CELF4: variants seen among roughly 807,000 people sequenced by gnomAD.
The protein encoded by CELF4 is CUG-BP- and ETR-3-like factor 4.
Under a neutral mutation model 59.9 loss-of-function variants are expected in CELF4, and 18 were observed. The observed-to-expected ratio is 0.30, with a 90% CI of 0.21 to 0.45. CELF4 has a LOEUF of 0.45. Ranked by LOEUF, CELF4 falls within the 20% of genes least tolerant of loss-of-function variation. The probability of loss-of-function intolerance (pLI) is 1.00; values close to 1 mark genes in which losing one functional copy is unlikely to be tolerated. For missense variants in CELF4, 456 were observed against 689.0 expected (o/e 0.66, Z 3.79); for synonymous variants, 261 against 267.1 (o/e 0.98, Z 0.22).
intron 1 of CELF4, among the ~76,000 whole-genome samples, chr18:37,490,098 ATGTACCAGCATGGAAAGCCACAT>A (rs1489564304): frequency 6.6e-6 from 1 of 152,242 alleles, no homozygotes; most frequent in Non-Finnish European, 1.5e-5. Flanking sequence ...AAGACCCTCA[ATGTACCAGCATGGAAAGCCACAT>A]TGTCAGATGG....
intron 2 of CELF4, among the ~76,000 whole-genome samples, chr18:37,425,878 G>A (rs545591028): frequency 3.4e-4 from 52 of 152,348 alleles, no homozygotes; most frequent in African/African-American, 3.8e-4. Flanking sequence ...AAGAGAGTTG[G>A]TTCTCTGTTA....
At chr18:37,452,913 A>C (rs914938841) in intron 2 of CELF4, among the ~76,000 whole-genome samples, 1 of 152,028 alleles carries the variant, frequency 6.6e-6, no homozygotes, top group Non-Finnish European at 1.5e-5. Flanking sequence ...TCACACCCCA[A>C]GGGAGTTGAA....
chr18:37,517,556 G>A (rs1408057414), intron 1 of CELF4, among the ~76,000 whole-genome samples: 1 of 152,196 alleles, frequency 6.6e-6, no homozygotes, highest in Non-Finnish European at 1.5e-5. Context: ...TGTGTGGGAA[G>A]CCTCTCAGTC....
chr18:37,366,691 C>T (rs1421823697), intron 2 of CELF4, among the ~76,000 whole-genome samples: 7 of 152,224 alleles, frequency 4.6e-5, no homozygotes, highest in Admixed American at 1.3e-4. Flanking sequence ...AGGGAGGCAT[C>T]GCCACTATCA....
chr18:37,292,646 C>A (rs934866173), intron 3 of CELF4, among the ~76,000 whole-genome samples: 1 of 152,150 alleles, frequency 6.6e-6, no homozygotes, highest in African/African-American at 2.4e-5. Context: ...GATTAACAGA[C>A]TTTAATGCAA....
chr18:37,292,858 A>G (rs2095425471), intron 3 of CELF4, among the ~76,000 whole-genome samples: 1 of 152,252 alleles, frequency 6.6e-6, no homozygotes, highest in African/African-American at 2.4e-5. Flanking sequence ...AAAATAAAAA[A>G]TACACTGCTG....
chr18:37,330,328 G>A (rs555911192), intron 2 of CELF4, among the ~76,000 whole-genome samples: 4 of 152,286 alleles, frequency 2.6e-5, no homozygotes, highest in African/African-American at 9.6e-5. Context: ...CGCTGTGGGA[G>A]GAAAGAATGA....
At chr18:37,395,136 C>T (rs1309949927) in intron 2 of CELF4, among the ~76,000 whole-genome samples, 4 of 152,080 alleles carry the variant, frequency 2.6e-5, no homozygotes, top group Non-Finnish European at 4.4e-5. Flanking sequence ...CATGTCACCT[C>T]GTCTATGCCA....
chr18:37,419,962 C>T (rs1156568565), intron 2 of CELF4, among the ~76,000 whole-genome samples: 6 of 152,310 alleles, frequency 3.9e-5, no homozygotes, highest in Admixed American at 6.5e-5. Context: ...ACGGCCACTC[C>T]GGGGTTCTGG....
chr18:37,470,883 T>TGAGAGAGAGAGAGAGAGA (rs1569569556), intron 2 of CELF4, among the ~76,000 whole-genome samples: 5 of 83,530 alleles, frequency 6.0e-5, no homozygotes, highest in Admixed American at 1.5e-4. Flanking sequence ...TGTGTGTGTG[T>TGAGAGAGAGAGAGAGAGA]GTGTGACAGA....
intron 2 of CELF4, among the ~76,000 whole-genome samples, chr18:37,338,540 G>A (rs1029493308): frequency 1.3e-5 from 2 of 152,150 alleles, no homozygotes; most frequent in Non-Finnish European, 2.9e-5. Flanking sequence ...GGTGGCGGGG[G>A]GGCTGTTCTG....
At chr18:37,333,659 C>G (rs998449423) in intron 2 of CELF4, among the ~76,000 whole-genome samples, 2 of 151,776 alleles carry the variant, frequency 1.3e-5, no homozygotes, top group Non-Finnish European at 2.9e-5. Flanking sequence ...TCCACCCTGC[C>G]CCAGCTCTGC....
At chr18:37,416,126 C>T (rs960587687) in intron 2 of CELF4, among the ~76,000 whole-genome samples, 2 of 152,030 alleles carry the variant, frequency 1.3e-5, no homozygotes, top group East Asian at 1.9e-4. Flanking sequence ...ACCATAGACA[C>T]CAAATACACA....
chr18:37,439,181 G>T (rs1241111215), intron 2 of CELF4, among the ~76,000 whole-genome samples: 1 of 152,170 alleles, frequency 6.6e-6, no homozygotes, highest in Non-Finnish European at 1.5e-5. Flanking sequence ...CCAGAGGCAG[G>T]CCTGGCTGCA....
At chr18:37,270,663 A>G in intron 8 of CELF4, 105 bp downstream of exon 8, 1 of 1,353,120 alleles carries the variant, frequency 7.4e-7, no homozygotes, top group South Asian at 1.2e-5. Flanking sequence ...TCATCAAGGA[A>G]TGGACAGAGG....
intron 2 of CELF4, among the ~76,000 whole-genome samples, chr18:37,410,531 C>T (rs549844513): frequency 6.6e-6 from 1 of 152,354 alleles, no homozygotes; most frequent in African/African-American, 2.4e-5. Context: ...TTCGTGTGTG[C>T]GTGTGGGCAT....
chr18:37,428,599 G>T (rs1474792110), intron 2 of CELF4, among the ~76,000 whole-genome samples: 1 of 152,164 alleles, frequency 6.6e-6, no homozygotes, highest in East Asian at 1.9e-4. Flanking sequence ...CCTTTGACAG[G>T]ACTTATGATT....
chr18:37,298,667 G>A (rs1376258155), intron 3 of CELF4, among the ~76,000 whole-genome samples: 1 of 151,132 alleles, frequency 6.6e-6, no homozygotes, highest in Admixed American at 6.6e-5. Context: ...AGATGTTGCC[G>A]TGAACTGAGA....
intron 2 of CELF4, among the ~76,000 whole-genome samples, chr18:37,401,821 G>C (rs1020433901): frequency 2.0e-5 from 3 of 152,152 alleles, no homozygotes; most frequent in Non-Finnish European, 4.4e-5. Flanking sequence ...CTTCCCTAGG[G>C]GCTGCAAGGT....
Sources: gnomAD v4.1 joint callset for allele counts (sites outside exome capture counted in the v4.1 genomes callset) on GRCh38, gnomAD v4.1.1 for gene constraint, MANE v1.5 for transcripts, NCBI Gene and HGNC (gene_info 2026-07-23, HGNC 2026-07-21) for gene names.